Variants in SIK3 observed in about 807,000 individuals in gnomAD.
SIK3 encodes SIK family kinase 3, also known as serine/threonine-protein kinase SIK3.
SIK3 carries 28 observed loss-of-function variants against 144.2 expected under a neutral mutation model. The ratio of observed to expected loss-of-function variants is 0.19; its 90% CI spans 0.14 to 0.27. SIK3 has a LOEUF of 0.27. Ranked by LOEUF, SIK3 falls within the 10% of genes least tolerant of loss-of-function variation. The pLI, the probability that SIK3 is intolerant of heterozygous loss-of-function variation, is 1.00. For missense variants in SIK3, 1,319 were observed against 1,776.0 expected (o/e 0.74, Z 4.62); for synonymous variants, 686 against 676.3 (o/e 1.01, Z -0.22).
At chr11:117,020,246 T>TACAC (rs1555130052) in intron 1 of SIK3, among the ~76,000 whole-genome samples, 35 of 126,978 alleles carry the variant, frequency 2.8e-4, no homozygotes, top group African/African-American at 1.2e-3. Flanking sequence ...CATATATATA[T>TACAC]ACACATACAT....
intron 4 of SIK3, among the ~76,000 whole-genome samples, chr11:116,922,602 C>T (rs1947049866): frequency 6.6e-6 from 1 of 152,152 alleles, no homozygotes; most frequent in African/African-American, 2.4e-5. Flanking sequence ...GCCTAGGCAA[C>T]ATAGTGAGAT....
intron 1 of SIK3, among the ~76,000 whole-genome samples, chr11:117,002,700 T>A (rs1363948465): frequency 6.6e-6 from 1 of 152,202 alleles, no homozygotes; most frequent in African/African-American, 2.4e-5. Flanking sequence ...TAAAACAGTA[T>A]GAAGTAGAAT....
chr11:117,064,489 T>A (rs944322922), intron 1 of SIK3, among the ~76,000 whole-genome samples: 4 of 152,216 alleles, frequency 2.6e-5, no homozygotes, highest in Non-Finnish European at 5.9e-5. Context: ...TTACATTTAG[T>A]GGCAGTTCAG....
intron 1 of SIK3, among the ~76,000 whole-genome samples, chr11:117,074,305 G>C (rs986941032): frequency 6.6e-6 from 1 of 151,948 alleles, no homozygotes; most frequent in Non-Finnish European, 1.5e-5. Flanking sequence ...GCCCCACCTA[G>C]GTCTACTTCC....
intron 1 of SIK3, among the ~76,000 whole-genome samples, chr11:117,090,819 G>A (rs898377937): frequency 6.6e-6 from 1 of 152,212 alleles, no homozygotes; most frequent in African/African-American, 2.4e-5. Context: ...GTGGTATAAT[G>A]CCAAAGGACA....
rs539858 is a variant in SIK3, at chr11:116,858,297, T to C, written c.3168A>G (p.Gln1056=). The C allele has an allele frequency of 0.079, 126,574 of 1,612,084 alleles. 11,926 individuals are homozygous for C. The highest frequency in any genetic ancestry group is 0.48 in the African/African-American group (36,087 of 74,482). ...RQQQQRQQQQ[Q]QQQQQEYQEL... ...CCTGGTATTCTTGCTGTTGCTGCTG[T>C]TGCTGCTGCTGCTGCCGTTGTTGCT... The change falls in exon 21 of 25, where the codon CAA becomes CAG. Residue 1056 remains glutamine (Q), a synonymous_variant. Coordinates refer to ENST00000445177, the MANE Select transcript of SIK3 (RefSeq NM_001366686.3). The surrounding 1 kb of genome is among the most constrained non-coding windows in gnomAD (Gnocchi z 5.4).
intron 6 of SIK3, among the ~76,000 whole-genome samples, chr11:116,880,114 T>A (rs1399129150): frequency 6.6e-6 from 1 of 152,102 alleles, no homozygotes; most frequent in Non-Finnish European, 1.5e-5. Flanking sequence ...TAAAACAGAT[T>A]TTTTCCAAGG....
chr11:117,004,128 C>T (rs185078540), intron 1 of SIK3, among the ~76,000 whole-genome samples: 1 of 152,184 alleles, frequency 6.6e-6, no homozygotes, highest in East Asian at 1.9e-4. Context: ...AGAATGCAAC[C>T]CTGAATTTAA....
At chr11:116,957,574 G>T (rs1158707117) in intron 1 of SIK3, among the ~76,000 whole-genome samples, 1 of 152,168 alleles carries the variant, frequency 6.6e-6, no homozygotes, top group Admixed American at 6.5e-5. Flanking sequence ...AATAGTAGCA[G>T]TGATGGTGGT....
chr11:117,023,621 A>AATATATATATATATATATATAT (rs1555131639), intron 1 of SIK3, among the ~76,000 whole-genome samples: 12 of 95,380 alleles, frequency 1.3e-4, no homozygotes, highest in African/African-American at 1.7e-4. Flanking sequence ...AAAAAAAAAA[A>AATATATATATATATATATATAT]ATATATATAT....
intron 4 of SIK3, among the ~76,000 whole-genome samples, chr11:116,923,645 C>T (rs1195377902): frequency 3.9e-5 from 6 of 152,186 alleles, no homozygotes; most frequent in African/African-American, 1.4e-4. Flanking sequence ...TGTAGCAGGC[C>T]GCAAAACTAG....
intron 1 of SIK3, among the ~76,000 whole-genome samples, chr11:117,087,391 C>G (rs539516046): frequency 6.6e-6 from 1 of 151,868 alleles, no homozygotes; most frequent in Non-Finnish European, 1.5e-5. Flanking sequence ...TGCAGTGAGC[C>G]GAGATCGCAC....
chr11:117,038,514 G>A (rs1421430950), intron 1 of SIK3, among the ~76,000 whole-genome samples: 3 of 151,590 alleles, frequency 2.0e-5, no homozygotes, highest in Non-Finnish European at 2.9e-5. Context: ...CCGCCACCAC[G>A]CCTGGCTAAT....
intron 1 of SIK3, among the ~76,000 whole-genome samples, chr11:116,962,493 C>A (rs1224875648): frequency 3.3e-5 from 5 of 152,156 alleles, no homozygotes; most frequent in African/African-American, 1.2e-4. Context: ...AGCTCTATTT[C>A]TTTTAGAAAT....
intron 1 of SIK3, among the ~76,000 whole-genome samples, chr11:117,006,449 CT>C (rs143564239): frequency 0.046 from 6,972 of 152,132 alleles, 536 homozygotes; most frequent in African/African-American, 0.16. Flanking sequence ...AAGGATCCTT[CT>C]ATTAAACAAG....
In SIK3 at chr11:116,888,157, A is replaced by C. The variant is rs948150395; in HGVS notation, c.865+8096T>G. On this transcript the variant is annotated intron_variant, in intron 6 of 24. Transcript: ENST00000445177. ...TAGAGGCTTTGCCCTCTGGTCTTCC[A>C]AGTGATCATTTAGAACACTATACCA... is the stretch of plus-strand genomic sequence containing the variant. Among the ~76,000 whole-genome samples the C allele has an allele frequency of 6.6e-5, 10 of 152,356 alleles. No individual in the cohort carries two copies. The East Asian group carries it at 1.9e-3, about 29-fold the overall frequency.
At position 116,882,666 on chromosome 11, in the gene SIK3, G is replaced by GA. The variant is rs142023530; in HGVS notation, c.866-5625dup. Among the ~76,000 whole-genome samples, 1,078 of 152,332 alleles carry GA rather than the reference G, an allele frequency of 7.1e-3. 11 individuals are homozygous for GA. The highest frequency in any genetic ancestry group is 0.01 in the Non-Finnish European group (700 of 68,034). On this transcript the variant is annotated intron_variant, in intron 6 of 24. Coordinates refer to ENST00000445177, the MANE Select transcript of SIK3 (RefSeq NM_001366686.3). The stretch of plus-strand genomic sequence containing the variant: ...CACAGAAAGGCTTTCTTGCAGGCAA[G>GA]AAAGTGCATGCTGCTTACAGGTGCT...
At chr11:117,008,171 TG>T (rs2135663342) in intron 1 of SIK3, among the ~76,000 whole-genome samples, 1 of 151,798 alleles carries the variant, frequency 6.6e-6, no homozygotes, top group South Asian at 2.1e-4. Context: ...CCATAAAATT[TG>T]GGTTCATTCC....
At chr11:116,921,668 C>A (rs1187677620) in intron 4 of SIK3, among the ~76,000 whole-genome samples, 1 of 152,120 alleles carries the variant, frequency 6.6e-6, no homozygotes, top group Non-Finnish European at 1.5e-5. Flanking sequence ...CTCTCCCTGT[C>A]GTAAAATTCT....
Sources: allele counts gnomAD v4.1 joint callset (sites outside exome capture counted in the v4.1 genomes callset), GRCh38; gene constraint gnomAD v4.1.1; non-coding constraint Gnocchi (gnomAD v3.1); transcripts MANE v1.5; gene names NCBI Gene and HGNC (gene_info 2026-07-23, HGNC 2026-07-21).